The following PCDHA1 variants were observed in gnomAD, a reference collection of about 807,000 sequenced individuals.
PCDHA1 encodes protocadherin alpha-1.
PCDHA1 carries 42 observed loss-of-function variants against 61.3 expected under a neutral mutation model. That is an observed-to-expected ratio of 0.69 (90% CI 0.54 to 0.89). The LOEUF is 0.89. PCDHA1 is among the 40% of genes least tolerant of loss of function. The probability of loss-of-function intolerance (pLI) is 0.00; values close to 1 mark genes in which losing one functional copy is unlikely to be tolerated. For synonymous variants in PCDHA1, 610 were observed against 553.8 expected (o/e 1.10, Z -1.43); for missense variants, 1,256 against 1,235.3 (o/e 1.02, Z -0.25).
intron 1 of PCDHA1, among the ~76,000 whole-genome samples, chr5:140,941,599 G>A (rs1017713166): frequency 3.3e-5 from 5 of 152,116 alleles, no homozygotes; most frequent in African/African-American, 1.2e-4. Flanking sequence ...ACAGCCATGA[G>A]CCATGGTGCC....
rs2080357826 is a variant in PCDHA1 at position 140,921,739 on chromosome 5, G to T, written c.2395-57210G>T. The stretch of plus-strand genomic sequence containing the variant: ...CGAATTACTCCCATAAAAATTATAA[G>T]CATAACAGGACACTTCTTGGCTACT... On this transcript the variant is annotated intron_variant, in intron 1 of 3. Transcript: ENST00000504120. Among the ~76,000 whole-genome samples, 7 of 152,134 alleles carry T rather than the reference G, an allele frequency of 4.6e-5. No individual in the cohort carries two copies. In the South Asian group the frequency reaches 1.5e-3, roughly 32 times the overall value.
chr5:140,788,694 A>C lies in PCDHA1; in HGVS notation c.2394+10A>C, dbSNP rs551820763. 4 of 1,532,438 alleles carry C rather than the reference A, an allele frequency of 2.6e-6. No individual in the cohort carries two copies. The East Asian group carries it at 9.1e-5, about 35-fold the overall frequency. The allele number at this position is 1,532,438 out of a possible 1,614,324, so 94.9% of individuals were successfully genotyped here. A position where few individuals can be genotyped will look rare whatever the true frequency, so the allele number is the denominator to read the frequency against. ...GGATCTTTCTGGTAATGTAAGTCCAACTTTCGAGTTTTGGCTTTAAATATT... is the reference window on the plus strand; with the variant it reads ...GGATCTTTCTGGTAATGTAAGTCCACCTTTCGAGTTTTGGCTTTAAATATT... On this transcript the variant is annotated intron_variant, in intron 1 of 3. Coordinates refer to ENST00000504120, the MANE Select transcript of PCDHA1 (RefSeq NM_018900.4).
chr5:140,991,086 T>C (rs2097431989), intron 3 of PCDHA1, among the ~76,000 whole-genome samples: 1 of 152,206 alleles, frequency 6.6e-6, no homozygotes, highest in African/African-American at 2.4e-5. Context: ...ATAAAAAAAT[T>C]AAAGCTCATA....
intron 1 of PCDHA1, chr5:140,853,175 G>A: frequency 1.0e-6 from 1 of 970,848 alleles, no homozygotes. Flanking sequence ...CACCGCGCCT[G>A]GCCTAAAATG....
At chr5:140,959,317 A>G (rs1424960169) in intron 1 of PCDHA1, among the ~76,000 whole-genome samples, 3 of 152,078 alleles carry the variant, frequency 2.0e-5, no homozygotes, top group Non-Finnish European at 4.4e-5. Flanking sequence ...TGAAGCTGCA[A>G]TAAGTTTTGA....
intron 1 of PCDHA1, chr5:140,864,242 T>C (rs978090917): frequency 6.6e-6 from 1 of 152,208 alleles, no homozygotes; most frequent in Non-Finnish European, 1.5e-5. Flanking sequence ...TTATTCCTAT[T>C]CATTTTCTTA....
intron 1 of PCDHA1, among the ~76,000 whole-genome samples, chr5:140,975,411 G>A (rs868983297): frequency 6.6e-6 from 1 of 152,236 alleles, no homozygotes; most frequent in African/African-American, 2.4e-5. Flanking sequence ...CAGTCTTGGA[G>A]ACTATTCAGG....
At chr5:140,841,155 C>A in intron 1 of PCDHA1, 1 of 842,000 alleles carries the variant, frequency 1.2e-6, no homozygotes, top group Non-Finnish European at 1.8e-6. Flanking sequence ...TCGCTGTCTA[C>A]CAAGAAGTTC....
At chr5:140,942,863 T>A (rs1223265899) in intron 1 of PCDHA1, among the ~76,000 whole-genome samples, 2 of 152,126 alleles carry the variant, frequency 1.3e-5, no homozygotes, top group Non-Finnish European at 2.9e-5. Context: ...TTATTTTGCT[T>A]TAGCATGACA....
At chr5:140,884,499 C>A (rs782667822) in intron 1 of PCDHA1, 2 of 1,614,062 alleles carry the variant, frequency 1.2e-6, no homozygotes, top group Non-Finnish European at 8.5e-7. Flanking sequence ...TGCTCCAGCG[C>A]GGCAGGGAGT....
chr5:140,927,137 A>T, intron 1 of PCDHA1: 1 of 1,614,052 alleles, frequency 6.2e-7, no homozygotes, highest in Non-Finnish European at 8.5e-7. Context: ...GAGCCGGCGG[A>T]CCGCGAACAG....
intron 1 of PCDHA1, among the ~76,000 whole-genome samples, chr5:140,950,208 C>G (rs1377059178): frequency 1.3e-5 from 2 of 151,900 alleles, no homozygotes; most frequent in Non-Finnish European, 2.9e-5. Context: ...TTCTGTTTAC[C>G]TAGTCATTTA....
chr5:140,833,597 T>C (rs1466793693), intron 1 of PCDHA1, among the ~76,000 whole-genome samples: 1 of 152,196 alleles, frequency 6.6e-6, no homozygotes, highest in Non-Finnish European at 1.5e-5. Flanking sequence ...ATATATAGAT[T>C]CTGCTAAAGC....
intron 1 of PCDHA1, among the ~76,000 whole-genome samples, chr5:140,961,052 G>A (rs942442138): frequency 7.9e-5 from 12 of 152,272 alleles, no homozygotes; most frequent in African/African-American, 2.9e-4. Flanking sequence ...TTAACAAAAT[G>A]TTGAATGGGA....
At chr5:140,983,463 C>T (rs1554245464) in intron 3 of PCDHA1, among the ~76,000 whole-genome samples, 1 of 152,208 alleles carries the variant, frequency 6.6e-6, no homozygotes, top group Non-Finnish European at 1.5e-5. Flanking sequence ...AATAGAACAT[C>T]ATGATGATAA....
In PCDHA1 at chr5:140,851,054, T is replaced by C. The variant is rs1269980672; in HGVS notation, c.2394+62370T>C. The C allele has an allele frequency of 2.8e-5, 38 of 1,379,008 alleles. 5 individuals carry two copies. Among genetic ancestry groups the C allele is most frequent in the Non-Finnish European group, 3.5e-5 (37 of 1,051,766 alleles). The allele number at this position is 1,379,008 out of a possible 1,614,324, so 85.4% of individuals were successfully genotyped here. ...CTTAACATTGGAGCCGACTTTGTCT[T>C]GACTTCTAGTGAGAATTATAAACTG... On this transcript the variant is annotated intron_variant, in intron 1 of 3. Coordinates refer to ENST00000504120, the MANE Select transcript of PCDHA1 (RefSeq NM_018900.4).
intron 1 of PCDHA1, chr5:140,869,810 A>G: frequency 6.2e-7 from 1 of 1,612,624 alleles, no homozygotes; most frequent in South Asian, 1.1e-5. Context: ...TTGGATGTCA[A>G]CGACAATGAT....
intron 1 of PCDHA1, among the ~76,000 whole-genome samples, chr5:140,960,521 A>C (rs950989969): frequency 9.9e-5 from 15 of 152,162 alleles, no homozygotes; most frequent in Non-Finnish European, 1.5e-5. Context: ...CATAATGGGT[A>C]TAGGAAAGAG....
chr5:140,941,185 C>CTTTTT (rs782102770), intron 1 of PCDHA1, among the ~76,000 whole-genome samples: 1 of 102,242 alleles, frequency 9.8e-6, no homozygotes, highest in African/African-American at 3.6e-5. Context: ...CATCCTGCTT[C>CTTTTT]TTTTTTTTTC....
Sources: gnomAD v4.1 joint callset for allele counts (sites outside exome capture counted in the v4.1 genomes callset) on GRCh38, gnomAD v4.1.1 for gene constraint, MANE v1.5 for transcripts, NCBI Gene and HGNC (gene_info 2026-07-23, HGNC 2026-07-21) for gene names.